Variants in RPGRIP1 observed in about 807,000 individuals in gnomAD.
The protein encoded by RPGRIP1 is RPGR interacting protein 1.
In RPGRIP1, 128 loss-of-function variants were observed where a neutral mutation model predicts 157.9. The ratio of observed to expected loss-of-function variants is 0.81; its 90% confidence interval spans 0.70 to 0.94. RPGRIP1 has a LOEUF of 0.94. Among genes scored for constraint, RPGRIP1 ranks in the 40% least tolerant of loss-of-function variants. RPGRIP1 has a pLI of 0.00. For synonymous variants in RPGRIP1, 554 were observed against 571.6 expected (o/e 0.97, Z 0.44); for missense variants, 1,486 against 1,545.8 (o/e 0.96, Z 0.65).
chr14:21,324,561 A>G (rs779401982), intron 14 of RPGRIP1, 57 bp from the exon 15 acceptor site: 2 of 1,410,568 alleles, frequency 1.4e-6, no homozygotes, highest in Admixed American at 3.4e-5. Flanking sequence ...ACCCTCCTCT[A>G]CCCTAAGAAA....
intron 21 of RPGRIP1, among the ~76,000 whole-genome samples, chr14:21,338,981 C>G (rs1594254041): frequency 2.6e-5 from 4 of 151,208 alleles, no homozygotes; most frequent in Admixed American, 2.6e-4. Context: ...TACAAAAATA[C>G]AAAAATTAGC....
chr14:21,333,657 C>T (rs1487762236), intron 20 of RPGRIP1, among the ~76,000 whole-genome samples: 2 of 152,126 alleles, frequency 1.3e-5, no homozygotes, highest in African/African-American at 2.4e-5. Flanking sequence ...ATCAGGTGGT[C>T]CTGGCTGTCA....
At chr14:21,317,957 T>C in intron 11 of RPGRIP1, 107 bp downstream of exon 11, 1 of 963,944 alleles carries the variant, frequency 1.0e-6, no homozygotes, top group Non-Finnish European at 1.6e-6. Flanking sequence ...TTGATCCTAT[T>C]CTTTTGTGGG....
chr14:21,288,057 A>G lies in RPGRIP1; in HGVS notation c.81A>G (p.Ser27=), dbSNP rs1880363378. 1.9e-6 allele frequency: 3 copies of G among 1,608,106 alleles called. No individual in the cohort carries two copies. Among genetic ancestry groups the G allele is most frequent in the Non-Finnish European group, 2.6e-6 (3 of 1,174,592 alleles). ...CTATACCTCTGGTGCTACCAGCCTC[A>G]AAAGGTAACTTCTACGCCTGAGGAT... ...IDAIPLVLPA[S]KGKNMKTQPP... Residue 27 remains serine, a synonymous_variant, in exon 2 of 25, where the codon TCA becomes TCG. Coordinates refer to ENST00000400017, the MANE Select transcript of RPGRIP1 (RefSeq NM_020366.4).
chr14:21,304,824 T>C lies in RPGRIP1; in HGVS notation c.800+1281T>C, dbSNP rs183689156. On this transcript the variant is annotated intron_variant, in intron 6 of 24. Coordinates refer to ENST00000400017, the MANE Select transcript of RPGRIP1 (RefSeq NM_020366.4). ...GTACATTCTTTTTTTTTTTTTGAGATGGAGTCTCGCTCAGTTGCCCAGGCT... is the reference window on the plus strand; with the variant it reads ...GTACATTCTTTTTTTTTTTTTGAGACGGAGTCTCGCTCAGTTGCCCAGGCT... 6.3e-4 allele frequency among the ~76,000 whole-genome samples: 95 copies of C among 151,556 alleles called. 1 individual carries two copies. Among genetic ancestry groups the C allele is most frequent in the African/African-American group, 2.1e-3 (87 of 41,362 alleles).
intron 8 of RPGRIP1, 92 bp from the exon 9 acceptor site, chr14:21,311,732 A>G: frequency 1.0e-6 from 1 of 981,042 alleles, no homozygotes; most frequent in Non-Finnish European, 1.5e-6. Context: ...TCTTTGTGAC[A>G]TCTGTTAGAG....
chr14:21,327,914 A>T (rs1883282573), intron 18 of RPGRIP1, 107 bp downstream of exon 18: 1 of 862,172 alleles, frequency 1.2e-6, no homozygotes, highest in African/African-American at 1.7e-5. Context: ...CACGCCTGTA[A>T]TCCCAGCACT....
chr14:21,302,375 G>C (rs755714809), intron 4 of RPGRIP1, 113 bp from the exon 5 acceptor site: 1 of 491,528 alleles, frequency 2.0e-6, no homozygotes, highest in Non-Finnish European at 3.3e-6. Flanking sequence ...GTCATACAAG[G>C]GTTTCACCCA....
intron 1 of RPGRIP1, among the ~76,000 whole-genome samples, chr14:21,283,554 G>T (rs533913419): frequency 3.4e-4 from 52 of 152,204 alleles, no homozygotes; most frequent in Non-Finnish European, 6.9e-4. Context: ...GCCCGCCTCG[G>T]CCTCCCAAAG....
chr14:21,318,697 G>C (rs7147689), intron 11 of RPGRIP1, among the ~76,000 whole-genome samples: 52,905 of 150,412 alleles, frequency 0.35, 9,823 homozygotes, highest in East Asian at 0.44. Context: ...AGGCTGGTCT[G>C]AAACTAACCT....
chr14:21,345,300 T>A, intron 23 of RPGRIP1, 103 bp downstream of exon 23: 1 of 738,166 alleles, frequency 1.4e-6, no homozygotes, highest in Non-Finnish European at 2.3e-6. Flanking sequence ...AATAACTTTT[T>A]TGAGTTAATT....
chr14:21,349,399 CTTTTTT>C (rs71112577), intron 24 of RPGRIP1, among the ~76,000 whole-genome samples: 2 of 82,026 alleles, frequency 2.4e-5, no homozygotes, highest in African/African-American at 4.5e-5. Flanking sequence ...TAATTTCTTT[CTTTTTT>C]TTTTTTTTTT....
At chr14:21,310,630 C>G (rs780538730) in intron 8 of RPGRIP1, 23 bp downstream of exon 8, 7 of 1,420,994 alleles carry the variant, frequency 4.9e-6, no homozygotes, top group Non-Finnish European at 6.7e-6. Context: ...AATTGAGTCT[C>G]TGTTTCTTAG....
intron 2 of RPGRIP1, among the ~76,000 whole-genome samples, chr14:21,288,661 GCCA>G (rs1880396919): frequency 6.6e-6 from 1 of 151,366 alleles, no homozygotes; most frequent in African/African-American, 2.4e-5. Flanking sequence ...ACTACAGGTG[GCCA>G]CCACCACGCT....
intron 10 of RPGRIP1, among the ~76,000 whole-genome samples, chr14:21,316,240 G>A (rs1340779595): frequency 6.6e-6 from 1 of 151,570 alleles, no homozygotes; most frequent in Admixed American, 6.6e-5. Flanking sequence ...GCCTCCCAAA[G>A]CACTGGAATT....
Position 21,343,087 on chromosome 14 carries a change from G to T in RPGRIP1, c.3391G>T (p.Ala1131Ser). ...EIVSLAFYPE[A>S]EVMSDENIKQ... Reference sequence around the variant, plus strand: ...TGTCTCCCTGGCCTTCTACCCAGAGGCAGAAGTGATGTCTGATGAGAACAT... The same window carrying T: ...TGTCTCCCTGGCCTTCTACCCAGAGTCAGAAGTGATGTCTGATGAGAACAT... The change falls in exon 22 of 25, where the codon GCA (alanine) becomes TCA (serine). Residue 1131 changes from alanine to serine, a missense_variant. By Grantham distance (99) the Ala-to-Ser change is moderately conservative (BLOSUM62 1). Coordinates refer to ENST00000400017, the MANE Select transcript of RPGRIP1 (RefSeq NM_020366.4). 3.7e-6 allele frequency: 6 copies of T among 1,613,568 alleles called. No individual in the cohort carries two copies. Among genetic ancestry groups the T allele is most frequent in the Non-Finnish European group, 5.1e-6 (6 of 1,179,610 alleles).
chr14:21,320,833 T>G lies in RPGRIP1; in HGVS notation c.1468-426T>G, dbSNP rs1401169196. 2.0e-5 allele frequency among the ~76,000 whole-genome samples: 3 copies of G among 150,894 alleles called. No homozygotes were observed. The East Asian group carries it at 5.9e-4, about 29-fold the overall frequency. On this transcript the variant is annotated intron_variant, in intron 12 of 24. Coordinates refer to ENST00000400017, the MANE Select transcript of RPGRIP1 (RefSeq NM_020366.4). ...CCAGGCTGGTCTCGAACTCCTGACC[T>G]CTGGTGATCCGCCCAACTCAGCCTC...
rs1403549953 is a variant in RPGRIP1, at chr14:21,320,010, T to C, written c.1307-7T>C. 2.5e-6 allele frequency: 4 copies of C among 1,607,086 alleles called. No individual in the cohort carries two copies. The South Asian group carries it at 4.5e-5, about 18-fold the overall frequency. On this transcript the variant is annotated splice_polypyrimidine_tract_variant and splice_region_variant and intron_variant, in intron 11 of 24. Transcript: ENST00000400017. ...GAATTTCACATTTCTGGATTATTTT[T>C]CCCCAGCCCAAAATGAGGATCTGAA... is the stretch of plus-strand genomic sequence containing the variant.
chr14:21,304,139 C>T (rs1881170244), intron 6 of RPGRIP1, among the ~76,000 whole-genome samples: 1 of 151,282 alleles, frequency 6.6e-6, no homozygotes, highest in African/African-American at 2.4e-5. Context: ...GTGGTGAAAC[C>T]CCGTCTGTAC....
Sources: gnomAD v4.1 joint callset for allele counts (sites outside exome capture counted in the v4.1 genomes callset) on GRCh38, gnomAD v4.1.1 for gene constraint, MANE v1.5 for transcripts, NCBI Gene and HGNC (gene_info 2026-07-23, HGNC 2026-07-21) for gene names.